The following PCDHGA3 variants were observed in gnomAD, a reference collection of about 807,000 sequenced individuals.
PCDHGA3 encodes protocadherin gamma subfamily A, 3.
A neutral mutation model predicts 58.5 loss-of-function variants in PCDHGA3; 40 were observed. The observed-to-expected ratio is 0.68, with a 90% confidence interval of 0.53 to 0.89. The LOEUF is 0.89. PCDHGA3 is among the 40% of genes least tolerant of loss of function. PCDHGA3 has a pLI of 0.00. For synonymous variants in PCDHGA3, 530 were observed against 525.7 expected, an observed-to-expected ratio of 1.01 and a Z score of -0.11; for missense variants, 1,223 against 1,195.9, an observed-to-expected ratio of 1.02 and a Z score of -0.33.
chr5:141,400,168 C>G, intron 1 of PCDHGA3: 1 of 1,614,088 alleles, frequency 6.2e-7, no homozygotes, highest in South Asian at 1.1e-5. Context: ...CTCTGACCCC[C>G]AGGCTGAGCT....
rs1758384233 is a variant in PCDHGA3, at chr5:141,349,985, G to T, written c.2424+3528G>T. The T allele has an allele frequency of 1.6e-5, 5 of 308,912 alleles. No individual in the cohort carries two copies. The South Asian group carries it at 7.3e-4, about 45-fold the overall frequency. 19.1% of individuals were successfully genotyped at this position (308,912 alleles called of 1,614,324 possible). A position where few individuals can be genotyped will look rare whatever the true frequency, so the allele number is the denominator to read the frequency against. On this transcript the variant is annotated intron_variant, in intron 1 of 3. Transcript: ENST00000253812. Reference sequence around the variant, plus strand: ...AGGGTACATAGATTCAAGAGGTTGCGCTTTGAGGATAAAAAGCTGGGCCCT... The same window carrying T: ...AGGGTACATAGATTCAAGAGGTTGCTCTTTGAGGATAAAAAGCTGGGCCCT...
chr5:141,362,452 G>T (rs751763325), intron 1 of PCDHGA3: 1 of 1,614,012 alleles, frequency 6.2e-7, no homozygotes, highest in Non-Finnish European at 8.5e-7. Flanking sequence ...CATAACCCCG[G>T]AATTGGTTCC....
chr5:141,507,754 C>T (rs1488474557), intron 3 of PCDHGA3, among the ~76,000 whole-genome samples: 7 of 152,242 alleles, frequency 4.6e-5, no homozygotes, highest in Admixed American at 2.0e-4. Flanking sequence ...GTCAAGGCCT[C>T]CCACCTTTGG....
chr5:141,455,400 C>G (rs537466326), intron 1 of PCDHGA3, among the ~76,000 whole-genome samples: 8 of 152,274 alleles, frequency 5.3e-5, no homozygotes, highest in Admixed American at 5.2e-4. Context: ...CTCCCCCTTA[C>G]AGAGACAGAG....
chr5:141,390,158 A>G, intron 1 of PCDHGA3: 1 of 1,614,042 alleles, frequency 6.2e-7, no homozygotes, highest in Non-Finnish European at 8.5e-7. Context: ...CACATACAGG[A>G]AAGACGGAGT....
intron 1 of PCDHGA3, chr5:141,422,758 A>AAC (rs748292321): frequency 6.2e-7 from 1 of 1,613,150 alleles, no homozygotes. Flanking sequence ...TATTAACTCC[A>AAC]ACACTGGTGT....
chr5:141,497,614 A>G (rs1377740795), intron 2 of PCDHGA3, among the ~76,000 whole-genome samples: 1 of 146,530 alleles, frequency 6.8e-6, no homozygotes, highest in Admixed American at 7.0e-5. Context: ...ATCTTGGCTC[A>G]CTGCAACCTC....
Position 141,344,493 on chromosome 5 carries a change from A to C in PCDHGA3, c.460A>C (p.Ile154Leu), listed in dbSNP as rs11575948. The C allele has an allele frequency of 0.096, 154,566 of 1,613,822 alleles. 9,080 individuals carry two copies. The highest frequency in any genetic ancestry group is 0.28 in the African/African-American group (21,061 of 74,946). ...AACGGTTCCTGGAACCCGATTTCCAATTAAAACTGCTTTTGACCCAGATGT... is the reference window on the plus strand; with the variant it reads ...AACGGTTCCTGGAACCCGATTTCCACTTAAAACTGCTTTTGACCCAGATGT... ...ELTVPGTRFP[I>L]KTAFDPDVGI... Residue 154 changes from isoleucine to leucine, a missense_variant, in exon 1 of 4, where the codon ATT (isoleucine) becomes CTT (leucine). This residue lies in a region of PCDHGA3 where 791 missense variants were observed against 708.5 expected (regional missense o/e 1.12). Transcript: ENST00000253812.
chr5:141,376,646 G>A (rs1394499987), intron 1 of PCDHGA3: 17 of 1,002,858 alleles, frequency 1.7e-5, no homozygotes, highest in Non-Finnish European at 2.3e-5. Flanking sequence ...TTTGTAAAGT[G>A]GAAGACTCCC....
chr5:141,365,161 G>A lies in PCDHGA3; in HGVS notation c.2424+18704G>A, dbSNP rs1472001277. On this transcript the variant is annotated intron_variant, in intron 1 of 3. Transcript: ENST00000253812. ...CAGATGAGGGAATAAACGGGAAATTGACCTACTCTTTTCGCAATGAAGAAG... is the reference window on the plus strand; with the variant it reads ...CAGATGAGGGAATAAACGGGAAATTAACCTACTCTTTTCGCAATGAAGAAG... 5.0e-6 allele frequency: 8 copies of A among 1,613,810 alleles called. No homozygotes were observed. In the African/African-American group the frequency reaches 8.0e-5, roughly 16 times the overall value.
rs1007318194 is a variant in PCDHGA3, at chr5:141,512,035, T to G, written c.*862T>G. On this transcript the variant is annotated 3_prime_UTR_variant, in exon 4 of 4. Coordinates refer to ENST00000253812, the MANE Select transcript of PCDHGA3 (RefSeq NM_018916.4). ...AAGTTATCAAGGCCTTGGAGGAGGC[T>G]CTGTATGTCCTCAGGGGACTGACAA... 1.3e-5 allele frequency: 2 copies of G among 152,870 alleles called. No individual in the cohort carries two copies. Among genetic ancestry groups the G allele is most frequent in the African/African-American group, 4.8e-5 (2 of 41,464 alleles). The allele number at this position is 152,870 out of a possible 1,614,324, so 9.5% of individuals were successfully genotyped here.
In PCDHGA3 at chr5:141,382,905, G is replaced by C. The variant is rs773530372; in HGVS notation, c.2424+36448G>C. On this transcript the variant is annotated intron_variant, in intron 1 of 3. Transcript: ENST00000253812. Reference sequence around the variant, plus strand: ...GCAAGAGAAGCAGGACGACTATGGCGGCTCAGCCGAGGGGCGGGGACTACA... The same window carrying C: ...GCAAGAGAAGCAGGACGACTATGGCCGCTCAGCCGAGGGGCGGGGACTACA... 3.8e-5 allele frequency: 59 copies of C among 1,544,508 alleles called. No individual in the cohort carries two copies. The South Asian group carries it at 5.7e-4, about 15-fold the overall frequency.
chr5:141,394,208 C>T (rs972602841), intron 1 of PCDHGA3: 2 of 1,613,814 alleles, frequency 1.2e-6, no homozygotes, highest in African/African-American at 1.3e-5. Context: ...TAGAGAACAA[C>T]CTGAGAGGAG....
At chr5:141,509,573 C>G (rs372901649) in intron 3 of PCDHGA3, among the ~76,000 whole-genome samples, 4 of 152,164 alleles carry the variant, frequency 2.6e-5, no homozygotes, top group Admixed American at 2.6e-4. Context: ...CTTCACAGTG[C>G]GTACAAATCA....
intron 1 of PCDHGA3, chr5:141,421,041 C>G (rs963777669): frequency 5.5e-6 from 3 of 546,514 alleles, no homozygotes; most frequent in Non-Finnish European, 9.5e-6. Context: ...TCCCTCCCTC[C>G]CCCGCCTCTA....
chr5:141,415,494 C>T lies in PCDHGA3; in HGVS notation c.2424+69037C>T, dbSNP rs377609539. 2.5e-6 allele frequency: 4 copies of T among 1,614,110 alleles called. No homozygotes were observed. The African/African-American group carries it at 4.0e-5, about 16-fold the overall frequency. ...CGGACTCGCGAAAGAGTCACCTGAT[C>T]TTCCCCCAGCCCAATTATGCGGACA... On this transcript the variant is annotated intron_variant, in intron 1 of 3. Transcript: ENST00000253812.
intron 1 of PCDHGA3, chr5:141,389,997 A>G (rs1278035747): frequency 3.1e-6 from 5 of 1,613,844 alleles, no homozygotes; most frequent in South Asian, 2.2e-5. Flanking sequence ...CCTCGTGGCC[A>G]TGATTCTGGC....
intron 1 of PCDHGA3, among the ~76,000 whole-genome samples, chr5:141,451,435 G>T (rs947210577): frequency 6.6e-6 from 1 of 152,234 alleles, no homozygotes; most frequent in Non-Finnish European, 1.5e-5. Flanking sequence ...AAGGGTTCCA[G>T]TTCCTTGCTG....
At chr5:141,381,826 C>CTTTTTTTTTTTTTTTTTTTTTTTTTTT (rs770630741) in intron 1 of PCDHGA3, among the ~76,000 whole-genome samples, 2 of 74,278 alleles carry the variant, frequency 2.7e-5, no homozygotes, top group African/African-American at 6.2e-5. Flanking sequence ...CTTTCTTCTT[C>CTTTTTTTTTTTTTTTTTTTTTTTTTTT]TTTTTTTTTT....
Sources: gnomAD v4.1 joint callset for allele counts (sites outside exome capture counted in the v4.1 genomes callset) on GRCh38, gnomAD v4.1.1 for gene constraint, gnomAD v4.1.1 regional missense constraint, MANE v1.5 for transcripts, NCBI Gene and HGNC (gene_info 2026-07-23, HGNC 2026-07-21) for gene names.